TBC1D5: variants seen among roughly 807,000 people sequenced by gnomAD.
The protein encoded by TBC1D5 is TBC1 domain family member 5.
In TBC1D5, 75 loss-of-function variants were observed where a neutral mutation model predicts 100.3. The observed-to-expected ratio is 0.75, with a 90% CI of 0.62 to 0.91. TBC1D5 has a LOEUF of 0.91. TBC1D5 is among the 40% of genes least tolerant of loss of function. The pLI, the probability that TBC1D5 is intolerant of heterozygous loss-of-function variation, is 0.00. For synonymous variants in TBC1D5, 323 were observed against 325.6 expected, an observed-to-expected ratio of 0.99 and a Z score of 0.09; for missense variants, 910 against 942.4, an observed-to-expected ratio of 0.97 and a Z score of 0.45.
chr3:17,603,474 T>G (rs1332392156), intron 2 of TBC1D5, among the ~76,000 whole-genome samples: 1 of 152,158 alleles, frequency 6.6e-6, no homozygotes, highest in African/African-American at 2.4e-5. Flanking sequence ...ACAAATGACA[T>G]GGTAACATCT....
intron 2 of TBC1D5, among the ~76,000 whole-genome samples, chr3:17,623,465 A>T (rs905095962): frequency 6.6e-6 from 1 of 152,208 alleles, no homozygotes; most frequent in Admixed American, 6.5e-5. Context: ...ATACACTTAA[A>T]TCCCTATTAT....
intron 14 of TBC1D5, among the ~76,000 whole-genome samples, chr3:17,303,307 ATGCATCAATCATGTCCC>A (rs2150417133): frequency 6.6e-6 from 1 of 152,362 alleles, no homozygotes; most frequent in African/African-American, 2.4e-5. Flanking sequence ...CCATGCCTCT[ATGCATCAATCATGTCCC>A]TGCATCACTA....
chr3:17,695,002 CATAA>C (rs755031382), intron 1 of TBC1D5, among the ~76,000 whole-genome samples: 21 of 152,238 alleles, frequency 1.4e-4, no homozygotes, highest in Non-Finnish European at 2.6e-4. Context: ...AACTAAGCTT[CATAA>C]ATAAAGGAGA....
exon 9 of TBC1D5, chr3:17,384,004 A>G (rs1430534593): frequency 1.3e-6 from 2 of 1,596,158 alleles, no homozygotes; most frequent in African/African-American, 1.3e-5. Flanking sequence ...GAAAAACTGC[A>G]TTTCAGGAAA....
At chr3:17,705,654 G>A (rs1318175686) in intron 1 of TBC1D5, among the ~76,000 whole-genome samples, 1 of 134,718 alleles carries the variant, frequency 7.4e-6, no homozygotes, top group Admixed American at 7.3e-5. Context: ...ACGATGGGCG[G>A]CCGGGCAGAG....
At chr3:17,330,816 A>G (rs1049322511) in intron 13 of TBC1D5, among the ~76,000 whole-genome samples, 4 of 152,160 alleles carry the variant, frequency 2.6e-5, no homozygotes, top group Non-Finnish European at 5.9e-5. Flanking sequence ...TGGTGAAATC[A>G]TTTTATCCTC....
intron 1 of TBC1D5, among the ~76,000 whole-genome samples, chr3:17,723,883 C>T (rs1355360673): frequency 6.6e-6 from 1 of 152,042 alleles, no homozygotes; most frequent in Non-Finnish European, 1.5e-5. Context: ...TTAACTCCTA[C>T]ACTGTTCAAG....
intron 3 of TBC1D5, among the ~76,000 whole-genome samples, chr3:17,441,816 T>C (rs2149546757): frequency 6.6e-6 from 1 of 152,330 alleles, no homozygotes; most frequent in East Asian, 1.9e-4. Context: ...CTACCTAGAT[T>C]AGTAATTAAC....
intron 15 of TBC1D5, among the ~76,000 whole-genome samples, chr3:17,283,109 T>C (rs965325187): frequency 1.3e-5 from 2 of 152,242 alleles, no homozygotes; most frequent in Non-Finnish European, 2.9e-5. Context: ...CCAGTTGGAA[T>C]GTTTCTTTCC....
chr3:17,611,736 G>A (rs1307137706), intron 2 of TBC1D5, among the ~76,000 whole-genome samples: 5 of 152,236 alleles, frequency 3.3e-5, no homozygotes, highest in South Asian at 2.1e-4. Context: ...AAGATGAAAA[G>A]GTAGCAAAGT....
intron 1 of TBC1D5, among the ~76,000 whole-genome samples, chr3:17,627,473 G>A (rs1412376017): frequency 2.0e-5 from 3 of 152,138 alleles, no homozygotes; most frequent in Non-Finnish European, 2.9e-5. Flanking sequence ...AAATACACCT[G>A]AGGAAATTAA....
In TBC1D5 at chr3:17,188,285, A is replaced by C. The variant is rs150151174; in HGVS notation, c.1753-3077T>G. Reference sequence around the variant, plus strand: ...CAGGGATATAAAAACACAAATTTCCAAGTTTTCAATTTTTGCTTAGGGCTC... The same window carrying C: ...CAGGGATATAAAAACACAAATTTCCCAGTTTTCAATTTTTGCTTAGGGCTC... On this transcript the variant is annotated intron_variant, in intron 18 of 21. Transcript: ENST00000253692. 9.2e-3 allele frequency among the ~76,000 whole-genome samples: 1,408 copies of C among 152,316 alleles called. 24 individuals are homozygous for C. Among genetic ancestry groups the C allele is most frequent in the African/African-American group, 0.032 (1,315 of 41,556 alleles).
At chr3:17,379,946 G>C (rs570541901) in intron 9 of TBC1D5, among the ~76,000 whole-genome samples, 2 of 151,876 alleles carry the variant, frequency 1.3e-5, no homozygotes, top group East Asian at 3.9e-4. Flanking sequence ...TTGACTGCAG[G>C]TAACTGAAAC....
At chr3:17,328,547 C>G (rs905681420) in intron 13 of TBC1D5, among the ~76,000 whole-genome samples, 1 of 152,204 alleles carries the variant, frequency 6.6e-6, no homozygotes, top group Non-Finnish European at 1.5e-5. Flanking sequence ...CTGGGACTCA[C>G]TTCTAATCAC....
At chr3:17,491,217 G>A (rs962851453) in intron 3 of TBC1D5, among the ~76,000 whole-genome samples, 10 of 152,166 alleles carry the variant, frequency 6.6e-5, no homozygotes, top group African/African-American at 2.4e-4. Flanking sequence ...GGGCTGAGAT[G>A]ATGGGGTTTT....
At chr3:17,211,789 G>A (rs747058385) in intron 18 of TBC1D5, among the ~76,000 whole-genome samples, 16 of 152,058 alleles carry the variant, frequency 1.1e-4, no homozygotes, top group Non-Finnish European at 1.9e-4. Context: ...TGTTGTCCTT[G>A]CAGTGGAATT....
At chr3:17,410,644 T>C (rs1233759823) in intron 4 of TBC1D5, among the ~76,000 whole-genome samples, 2 of 152,060 alleles carry the variant, frequency 1.3e-5, no homozygotes, top group East Asian at 1.9e-4. Flanking sequence ...TAAAAGGTGA[T>C]TCCAATCCTC....
chr3:17,428,341 C>T (rs1358896655), intron 4 of TBC1D5, 109 bp downstream of exon 4: 1 of 324,226 alleles, frequency 3.1e-6, no homozygotes, highest in Non-Finnish European at 5.1e-6. Context: ...CCTTACTATT[C>T]TAGATCAAAA....
intron 2 of TBC1D5, among the ~76,000 whole-genome samples, chr3:17,608,067 G>A (rs567670149): frequency 6.6e-6 from 1 of 152,170 alleles, no homozygotes; most frequent in East Asian, 1.9e-4. Context: ...AACCAGCCTG[G>A]CCAACATTGC....
Sources: gnomAD v4.1 joint callset for allele counts (sites outside exome capture counted in the v4.1 genomes callset) on GRCh38, gnomAD v4.1.1 for gene constraint, MANE v1.5 for transcripts, NCBI Gene and HGNC (gene_info 2026-07-23, HGNC 2026-07-21) for gene names.